The following OR1B1 variants were observed in gnomAD, a reference collection of about 807,000 sequenced individuals.
OR1B1 encodes olfactory receptor family 1 subfamily B member 1.
For synonymous variants in OR1B1, 168 were observed against 156.2 expected, an observed-to-expected ratio of 1.08 and a Z score of -0.57; for missense variants, 414 against 402.1, an observed-to-expected ratio of 1.03 and a Z score of -0.25.
chr9:122,655,044 C>T, the OR1B1 span, among the ~76,000 whole-genome samples: 4 of 152,144 alleles, frequency 2.6e-5, no homozygotes, highest in East Asian at 3.9e-4. Flanking sequence ...CATTGTACTC[C>T]ATAAATTACA....
At chr9:122,636,170 G>A in the OR1B1 span, among the ~76,000 whole-genome samples, 12 of 152,236 alleles carry the variant, frequency 7.9e-5, no homozygotes, top group African/African-American at 2.9e-4. Context: ...GTCCCTGCAC[G>A]GTCATTTTAG....
chr9:122,628,796 C>T, exon 1 of OR1B1: 1 of 1,614,118 alleles, frequency 6.2e-7, no homozygotes, highest in Admixed American at 1.7e-5. Context: ...GTGGGATCCA[C>T]AGGTGGAGAC....
the OR1B1 span, among the ~76,000 whole-genome samples, chr9:122,634,934 T>C: frequency 3.0e-4 from 46 of 152,254 alleles, no homozygotes; most frequent in African/African-American, 9.4e-4. Context: ...TTGGAAGGAA[T>C]GTAAATTGGT....
upstream of OR1B1, among the ~76,000 whole-genome samples, chr9:122,634,545 G>C (rs1312301138): frequency 6.6e-6 from 1 of 151,884 alleles, no homozygotes; most frequent in Non-Finnish European, 1.5e-5. Flanking sequence ...AAATGCAGGG[G>C]GAACTGCCCC....
chr9:122,653,055 G>A, the OR1B1 span, among the ~76,000 whole-genome samples: 1 of 152,170 alleles, frequency 6.6e-6, no homozygotes, highest in Non-Finnish European at 1.5e-5. Context: ...TGAGGACTTG[G>A]CATCAGCCCA....
chr9:122,638,791 A>G, the OR1B1 span, among the ~76,000 whole-genome samples: 1 of 152,174 alleles, frequency 6.6e-6, no homozygotes, highest in Non-Finnish European at 1.5e-5. Flanking sequence ...AGCAAGTTCT[A>G]CAGTGAGCTT....
the OR1B1 span, among the ~76,000 whole-genome samples, chr9:122,650,859 T>TA: frequency 0.032 from 4,794 of 151,702 alleles, 255 homozygotes; most frequent in African/African-American, 0.11. Context: ...CCATCTCTAC[T>TA]AAAAAAATAC....
chr9:122,645,163 G>T, the OR1B1 span, among the ~76,000 whole-genome samples: 3 of 152,066 alleles, frequency 2.0e-5, no homozygotes, highest in Non-Finnish European at 4.4e-5. Context: ...ATGTATTAAA[G>T]TGTCTTAATA....
upstream of OR1B1, among the ~76,000 whole-genome samples, chr9:122,631,002 G>A (rs1056393333): frequency 4.0e-5 from 6 of 149,406 alleles, no homozygotes; most frequent in African/African-American, 7.4e-5. Flanking sequence ...CACCGTGCCT[G>A]GTCCCAGTGT....
At chr9:122,631,510 C>G (rs906172117), upstream of OR1B1, among the ~76,000 whole-genome samples, 3 of 152,052 alleles carry the variant, frequency 2.0e-5, no homozygotes, top group African/African-American at 7.2e-5. Context: ...ACTAAGCTTT[C>G]AAGAACATAA....
chr9:122,640,183 C>T, the OR1B1 span, among the ~76,000 whole-genome samples: 23 of 152,080 alleles, frequency 1.5e-4, no homozygotes, highest in Admixed American at 5.9e-4. Flanking sequence ...TATCCACTAT[C>T]CCCCACCTTC....
the OR1B1 span, among the ~76,000 whole-genome samples, chr9:122,634,599 C>T: frequency 1.3e-5 from 2 of 152,046 alleles, no homozygotes; most frequent in African/African-American, 2.4e-5. Flanking sequence ...ATCACGAGAA[C>T]AGCATGGGGG....
At chr9:122,633,649 G>A (rs1830226307), upstream of OR1B1, among the ~76,000 whole-genome samples, 3 of 152,124 alleles carry the variant, frequency 2.0e-5, no homozygotes, top group Admixed American at 2.0e-4. Context: ...GGGCAAAGAG[G>A]CCAGGCATGG....
At chr9:122,640,509 G>A in the OR1B1 span, among the ~76,000 whole-genome samples, 6 of 152,200 alleles carry the variant, frequency 3.9e-5, no homozygotes, top group Admixed American at 3.9e-4. Context: ...AAAGGAGACA[G>A]AAGAAAAGTC....
At chr9:122,634,165 C>T (rs544614718), upstream of OR1B1, among the ~76,000 whole-genome samples, 1 of 151,772 alleles carries the variant, frequency 6.6e-6, no homozygotes, top group Non-Finnish European at 1.5e-5. Context: ...GGAGAAACCC[C>T]GTCCTTACTG....
At chr9:122,642,187 C>T in the OR1B1 span, among the ~76,000 whole-genome samples, 9 of 151,512 alleles carry the variant, frequency 5.9e-5, no homozygotes, top group African/African-American at 1.9e-4. Context: ...GAGTGAGGAG[C>T]GAGAAGGGAA....
the OR1B1 span, among the ~76,000 whole-genome samples, chr9:122,635,810 A>G: frequency 3.3e-5 from 5 of 152,312 alleles, no homozygotes; most frequent in South Asian, 1.0e-3. Context: ...AATTCCATAC[A>G]TAGACACTAT....
the OR1B1 span, among the ~76,000 whole-genome samples, chr9:122,655,147 C>A: frequency 6.6e-6 from 1 of 152,144 alleles, no homozygotes; most frequent in African/African-American, 2.4e-5. Context: ...CTCCCCCAGG[C>A]ACATTATTTT....
At chr9:122,644,788 G>A in the OR1B1 span, among the ~76,000 whole-genome samples, 46,257 of 152,096 alleles carry the variant, frequency 0.3, 8,233 homozygotes, top group East Asian at 0.59. Flanking sequence ...TTAGGGCTCA[G>A]GTCCCTTCCC....
Sources: allele counts gnomAD v4.1 joint callset (sites outside exome capture counted in the v4.1 genomes callset), GRCh38; gene constraint gnomAD v4.1.1; transcripts MANE v1.5; gene names NCBI Gene and HGNC (gene_info 2026-07-23, HGNC 2026-07-21).